The following ANKUB1 variants were observed in gnomAD, a reference collection of about 807,000 sequenced individuals.
ANKUB1 encodes ankyrin repeat and ubiquitin domain containing 1, also known as protein ANKUB1.
In ANKUB1, 42 loss-of-function variants were observed where a neutral mutation model predicts 49.3. The observed-to-expected ratio is 0.85, with a 90% CI of 0.67 to 1.10. The LOEUF (loss-of-function observed/expected upper bound fraction) is 1.10, where lower values mean the gene tolerates loss of function less well. Among genes scored for constraint, ANKUB1 ranks in the 50% least tolerant of loss-of-function variants. ANKUB1 has a pLI of 0.00. For synonymous variants in ANKUB1, 222 were observed against 231.0 expected, an observed-to-expected ratio of 0.96 and a Z score of 0.35; for missense variants, 613 against 642.0, an observed-to-expected ratio of 0.95 and a Z score of 0.49.
intron 5 of ANKUB1, among the ~76,000 whole-genome samples, chr3:149,764,957 T>G (rs1190827911): frequency 1.3e-5 from 2 of 152,140 alleles, no homozygotes; most frequent in Non-Finnish European, 2.9e-5. Flanking sequence ...GGCAATTCTA[T>G]TCCTTGGTAT....
intron 3 of ANKUB1, among the ~76,000 whole-genome samples, chr3:149,774,433 A>G (rs1317921992): frequency 6.6e-6 from 1 of 152,152 alleles, no homozygotes; most frequent in Non-Finnish European, 1.5e-5. Context: ...CACCAGAAGG[A>G]CTTATATGAG....
intron 3 of ANKUB1, among the ~76,000 whole-genome samples, chr3:149,775,876 G>T (rs73005788): frequency 0.039 from 6,001 of 152,072 alleles, 397 homozygotes; most frequent in African/African-American, 0.14. Context: ...GTACCATACA[G>T]GTTGACGTAA....
intron 5 of ANKUB1, chr3:149,766,863 A>AAGG: frequency 2.8e-6 from 3 of 1,083,790 alleles, no homozygotes; most frequent in Admixed American, 4.7e-5. Context: ...CAGCAGCAGC[A>AAGG]GCAGCAGCAG....
chr3:149,789,630 CTTT>C (rs35696242), intron 2 of ANKUB1, among the ~76,000 whole-genome samples: 1 of 140,528 alleles, frequency 7.1e-6, no homozygotes. Flanking sequence ...GAAGAATATT[CTTT>C]TTTTTTTTTT....
At chr3:149,764,391 A>C (rs1399792633) in intron 5 of ANKUB1, among the ~76,000 whole-genome samples, 1 of 152,202 alleles carries the variant, frequency 6.6e-6, no homozygotes, top group Non-Finnish European at 1.5e-5. Flanking sequence ...GGGGGCAGAA[A>C]TGGATGGGAA....
chr3:149,765,522 T>C (rs1205346848), intron 5 of ANKUB1, among the ~76,000 whole-genome samples: 2 of 151,674 alleles, frequency 1.3e-5, no homozygotes, highest in Non-Finnish European at 2.9e-5. Context: ...TCAGCTTTTC[T>C]TATCTAAAAC....
At chr3:149,789,170 T>A (rs997442920) in intron 2 of ANKUB1, among the ~76,000 whole-genome samples, 7 of 152,120 alleles carry the variant, frequency 4.6e-5, no homozygotes, top group Non-Finnish European at 8.8e-5. Flanking sequence ...TGTTATATAA[T>A]AAAAATAAAA....
intron 3 of ANKUB1, among the ~76,000 whole-genome samples, chr3:149,775,332 A>G (rs73870406): frequency 0.025 from 3,771 of 152,288 alleles, 58 homozygotes; most frequent in Non-Finnish European, 0.03. Flanking sequence ...ATTGATTAGA[A>G]CTTAAAGGCC....
intron 3 of ANKUB1, among the ~76,000 whole-genome samples, chr3:149,772,544 A>G (rs916028611): frequency 1.3e-5 from 2 of 152,114 alleles, no homozygotes; most frequent in Non-Finnish European, 2.9e-5. Context: ...CTGACCAGCT[A>G]TCTAAATAGC....
At chr3:149,788,910 G>T (rs955628081) in intron 2 of ANKUB1, among the ~76,000 whole-genome samples, 1 of 151,868 alleles carries the variant, frequency 6.6e-6, no homozygotes, top group African/African-American at 2.4e-5. Flanking sequence ...TGAGTAGATG[G>T]GATTACAGGT....
intron 2 of ANKUB1, among the ~76,000 whole-genome samples, chr3:149,790,368 C>G (rs1366317033): frequency 1.3e-5 from 2 of 152,054 alleles, no homozygotes; most frequent in Admixed American, 1.3e-4. Flanking sequence ...TAGAAAATTC[C>G]CTTTCATTCT....
At chr3:149,765,346 T>C (rs920971576) in intron 5 of ANKUB1, among the ~76,000 whole-genome samples, 7 of 152,126 alleles carry the variant, frequency 4.6e-5, no homozygotes, top group Non-Finnish European at 7.4e-5. Flanking sequence ...AAGGAAATTT[T>C]GGGGGGTGCT....
intron 2 of ANKUB1, chr3:149,783,499 C>T (rs1469815735): frequency 6.6e-6 from 1 of 152,178 alleles, no homozygotes; most frequent in East Asian, 1.9e-4. Flanking sequence ...TAATTCCATG[C>T]TTACCTTCAA....
chr3:149,780,388 C>T lies in ANKUB1; in HGVS notation c.302G>A (p.Ser101Asn), dbSNP rs1351794749. The T allele has an allele frequency of 1.3e-6, 2 of 1,552,114 alleles. No homozygotes were observed. Among genetic ancestry groups the T allele is most frequent in the African/African-American group, 1.4e-5 (1 of 73,058 alleles). Residue 101 changes from serine to asparagine, a missense_variant, in exon 3 of 6, where the codon AGC (serine) becomes AAC (asparagine). Transcript: ENST00000446160. ...CACTGTTTTATCAAGAAGGGAAATG[C>T]TCTCCATTACTGGCATTGTGTCTTG... ...VTQDTMPVME[S>N]ISLLDKTVSD...
chr3:149,782,072 G>A (rs1383830210), intron 2 of ANKUB1, among the ~76,000 whole-genome samples: 1 of 152,024 alleles, frequency 6.6e-6, no homozygotes, highest in East Asian at 1.9e-4. Context: ...TATGAAAACT[G>A]AATAAAAAGA....
At chr3:149,792,194 A>G in intron 1 of ANKUB1, 83 bp downstream of exon 1, 1 of 923,130 alleles carries the variant, frequency 1.1e-6, no homozygotes, top group Middle Eastern at 2.4e-4. Flanking sequence ...ACCCAATAGC[A>G]TCTCTACCCT....
At position 149,761,465 on chromosome 3, in the gene ANKUB1, C is replaced by A; in HGVS notation, c.*19G>T. 1 of 1,550,938 alleles carries A rather than the reference C, an allele frequency of 6.4e-7. No individual in the cohort carries two copies. The highest frequency in any genetic ancestry group is 8.7e-7 in the Non-Finnish European group (1 of 1,146,436). On this transcript the variant is annotated 3_prime_UTR_variant, in exon 6 of 6. Transcript: ENST00000446160. ...CTGTTTGATCAGGTCTTTGTCCAAA[C>A]TGAAGTTGTCATGACTTTTCAAAGC...
chr3:149,789,738 T>C (rs1325103837), intron 2 of ANKUB1, among the ~76,000 whole-genome samples: 1 of 151,730 alleles, frequency 6.6e-6, no homozygotes, highest in African/African-American at 2.4e-5. Flanking sequence ...CAAGTGATTC[T>C]CCTGCCTCAG....
At chr3:149,769,624 C>T in intron 4 of ANKUB1, among the ~76,000 whole-genome samples, 1 of 152,228 alleles carries the variant, frequency 6.6e-6, no homozygotes, top group South Asian at 2.1e-4. Flanking sequence ...TACAGTTGGG[C>T]AAAATCATCT....
Sources: gnomAD v4.1 joint callset for allele counts (sites outside exome capture counted in the v4.1 genomes callset) on GRCh38, gnomAD v4.1.1 for gene constraint, MANE v1.5 for transcripts, NCBI Gene and HGNC (gene_info 2026-07-23, HGNC 2026-07-21) for gene names.